The following PTPRD variants were observed in gnomAD, a reference collection of about 807,000 sequenced individuals.
PTPRD encodes the protein receptor-type tyrosine-protein phosphatase delta.
PTPRD carries 34 observed loss-of-function variants against 214.5 expected under a neutral mutation model. The ratio of observed to expected loss-of-function variants is 0.16; its 90% CI spans 0.12 to 0.21. The LOEUF (loss-of-function observed/expected upper bound fraction) is 0.21. Ranked by LOEUF, PTPRD falls within the 10% of genes least tolerant of loss-of-function variation. PTPRD has a pLI of 1.00. For missense variants in PTPRD, 2,545 were observed against 2,398.7 expected (o/e 1.06, Z -1.27); for synonymous variants, 1,128 against 845.7 (o/e 1.33, Z -5.79).
At chr9:10,197,497 T>C (rs1425158462) in intron 3 of PTPRD, among the ~76,000 whole-genome samples, 1 of 152,176 alleles carries the variant, frequency 6.6e-6, no homozygotes, top group African/African-American at 2.4e-5. Context: ...TATCATATTT[T>C]TCCTCTTAGC....
chr9:9,197,359 G>A (rs151027914), intron 9 of PTPRD, among the ~76,000 whole-genome samples: 44 of 152,246 alleles, frequency 2.9e-4, no homozygotes, highest in African/African-American at 8.4e-4. Flanking sequence ...ACTGGTGGTC[G>A]TCTTCAGCTG....
intron 2 of PTPRD, among the ~76,000 whole-genome samples, chr9:10,566,647 T>C (rs544722163): frequency 6.6e-6 from 1 of 152,130 alleles, no homozygotes; most frequent in African/African-American, 2.4e-5. Flanking sequence ...TTCTTTTCAC[T>C]CTCATTATGG....
chr9:9,867,850 A>C (rs779419320), intron 5 of PTPRD, among the ~76,000 whole-genome samples: 1 of 152,216 alleles, frequency 6.6e-6, no homozygotes, highest in Non-Finnish European at 1.5e-5. Flanking sequence ...ATGGGACAGA[A>C]ACTGAGGAGA....
chr9:9,710,907 C>T (rs1422051845), intron 7 of PTPRD, among the ~76,000 whole-genome samples: 1 of 152,092 alleles, frequency 6.6e-6, no homozygotes, highest in African/African-American at 2.4e-5. Context: ...ATGGAATTTG[C>T]ATGTTCTCTC....
At chr9:9,073,117 G>A (rs1380787173) in intron 10 of PTPRD, among the ~76,000 whole-genome samples, 2 of 152,146 alleles carry the variant, frequency 1.3e-5, no homozygotes, top group African/African-American at 4.8e-5. Flanking sequence ...AGAATGTTGA[G>A]GGAAACACTA....
intron 11 of PTPRD, among the ~76,000 whole-genome samples, chr9:8,762,547 G>A (rs1171297805): frequency 2.0e-5 from 3 of 151,898 alleles, no homozygotes; most frequent in East Asian, 1.9e-4. Flanking sequence ...TCTCTGGCAC[G>A]GAGGAGAGAA....
intron 11 of PTPRD, among the ~76,000 whole-genome samples, chr9:8,844,159 C>T (rs1015421407): frequency 6.6e-6 from 1 of 152,094 alleles, no homozygotes; most frequent in Non-Finnish European, 1.5e-5. Context: ...ATTTATTTCC[C>T]CTTTATCTAC....
At chr9:10,342,161 C>G (rs904490290) in intron 2 of PTPRD, among the ~76,000 whole-genome samples, 3 of 152,030 alleles carry the variant, frequency 2.0e-5, no homozygotes, top group African/African-American at 7.2e-5. Context: ...ACTTCACTTT[C>G]ATTTCACTGG....
chr9:9,779,760 G>A (rs1284984653), intron 5 of PTPRD, among the ~76,000 whole-genome samples: 1 of 152,102 alleles, frequency 6.6e-6, no homozygotes, highest in Non-Finnish European at 1.5e-5. Context: ...CTACCAACAA[G>A]GTTTAAGTGT....
At chr9:9,623,820 T>C (rs2095328016) in intron 7 of PTPRD, among the ~76,000 whole-genome samples, 2 of 152,202 alleles carry the variant, frequency 1.3e-5, no homozygotes, top group African/African-American at 4.8e-5. Context: ...TTTAAAAATA[T>C]CACTTTCAAG....
chr9:9,572,341 A>C (rs1819015468), intron 8 of PTPRD, among the ~76,000 whole-genome samples: 1 of 151,392 alleles, frequency 6.6e-6, no homozygotes, highest in South Asian at 2.1e-4. Flanking sequence ...AAAGTATTTA[A>C]GAATGTAAGA....
intron 11 of PTPRD, among the ~76,000 whole-genome samples, chr9:8,956,216 G>A (rs774066064): frequency 1.3e-5 from 2 of 151,758 alleles, no homozygotes; most frequent in Non-Finnish European, 2.9e-5. Flanking sequence ...TTTTCTTGAA[G>A]AATACAGCAT....
At chr9:9,928,001 G>C (rs986027539) in intron 5 of PTPRD, among the ~76,000 whole-genome samples, 4 of 152,006 alleles carry the variant, frequency 2.6e-5, no homozygotes, top group African/African-American at 7.2e-5. Flanking sequence ...ATGTATTATA[G>C]GCATATATTC....
intron 9 of PTPRD, among the ~76,000 whole-genome samples, chr9:9,272,923 G>A (rs1943527257): frequency 1.3e-5 from 2 of 151,236 alleles, no homozygotes; most frequent in Admixed American, 6.6e-5. Context: ...CAAGCTTGAG[G>A]TAATTTATAG....
intron 27 of PTPRD, among the ~76,000 whole-genome samples, chr9:8,488,468 G>T (rs1446220954): frequency 6.6e-6 from 1 of 152,174 alleles, no homozygotes; most frequent in Non-Finnish European, 1.5e-5. Context: ...TATAAAACAT[G>T]TGTGTTGTGT....
At position 9,936,579 on chromosome 9, in the gene PTPRD, G is replaced by A. The variant is rs1283728005; in HGVS notation, c.-368+1928C>T. ...TCATTAAAAAGTCAGTAAACAACAG[G>A]TGCTGGAGAGGATGTGGAGAAATAG... On this transcript the variant is annotated intron_variant, in intron 5 of 45. Coordinates refer to ENST00000381196, the MANE Select transcript of PTPRD (RefSeq NM_002839.4). Among the ~76,000 whole-genome samples, 65 of 137,596 alleles carry A rather than the reference G, an allele frequency of 4.7e-4. 2 individuals are homozygous for A. The highest frequency in any genetic ancestry group is 3.3e-4 in the Non-Finnish European group (22 of 66,304). 90.3% of individuals were successfully genotyped at this position (137,596 alleles called of 152,430 possible).
At chr9:9,467,213 CTTTT>C (rs35659936) in intron 8 of PTPRD, among the ~76,000 whole-genome samples, 3 of 92,902 alleles carry the variant, frequency 3.2e-5, no homozygotes, top group Non-Finnish European at 6.2e-5. Context: ...GTTCATTTAT[CTTTT>C]TTTTTTTTTT....
intron 5 of PTPRD, among the ~76,000 whole-genome samples, chr9:9,871,243 G>A (rs1427990486): frequency 6.6e-6 from 1 of 152,154 alleles, no homozygotes; most frequent in African/African-American, 2.4e-5. Flanking sequence ...AAGAGAGTAA[G>A]TATGGATACA....
At chr9:8,600,395 T>A (rs1026317379) in intron 14 of PTPRD, among the ~76,000 whole-genome samples, 1 of 152,130 alleles carries the variant, frequency 6.6e-6, no homozygotes, top group African/African-American at 2.4e-5. Context: ...GCCAGTGGAC[T>A]GGAGGGGCAT....
Sources: allele counts gnomAD v4.1 joint callset (sites outside exome capture counted in the v4.1 genomes callset), GRCh38; gene constraint gnomAD v4.1.1; transcripts MANE v1.5; gene names NCBI Gene and HGNC (gene_info 2026-07-23, HGNC 2026-07-21).